The following ZNF575 variants were observed in gnomAD, a reference collection of about 807,000 sequenced individuals.
ZNF575 encodes zinc finger protein 575.
In ZNF575, 17 loss-of-function variants were observed where a neutral mutation model predicts 17.5. That is an observed-to-expected ratio of 0.97 (90% confidence interval 0.66 to 1.45). ZNF575 has a LOEUF of 1.45. ZNF575 is among the 40% of genes most tolerant of loss of function. ZNF575 has a pLI of 0.00. For missense variants in ZNF575, 352 were observed against 359.2 expected, an observed-to-expected ratio of 0.98 and a Z score of 0.16; for synonymous variants, 146 against 158.3, an observed-to-expected ratio of 0.92 and a Z score of 0.58.
rs780637699 is a variant in ZNF575, at chr19:43,535,739, GGT to G, written c.*54_*55del. 6.2e-5 allele frequency: 94 copies of G among 1,515,768 alleles called. No individual in the cohort carries two copies. The East Asian group carries it at 2.2e-3, about 35-fold the overall frequency. The allele number at this position is 1,515,768 out of a possible 1,614,324, so 93.9% of individuals were successfully genotyped here. On this transcript the variant is annotated 3_prime_UTR_variant, in exon 4 of 4. Transcript: ENST00000314228. ...CTGCCGCCAGCCCTAGCCAGTAAGA[GGT>G]GGGATTTCTAAGACCGACTGTATGA...
At chr19:43,534,886 C>T (rs902040385) in intron 3 of ZNF575, 143 bp from the exon 4 acceptor site, 2 of 778,022 alleles carry the variant, frequency 2.6e-6, no homozygotes, top group African/African-American at 3.7e-5. Context: ...CAGAAACATG[C>T]AATTTGGGGA....
Position 43,535,355 on chromosome 19 carries a change from G to T in ZNF575, c.406G>T (p.Ala136Ser). The change falls in exon 4 of 4, where the codon GCT becomes TCT. Residue 136 changes from alanine to serine, a missense_variant. Coordinates refer to ENST00000314228, the MANE Select transcript of ZNF575 (RefSeq NM_174945.3). Reference sequence around the variant, plus strand: ...CTTTGGCCACCGCTCCAAGCTGGCGGCTCACCTCTGGACCCACGCACCCAC... The same window carrying T: ...CTTTGGCCACCGCTCCAAGCTGGCGTCTCACCTCTGGACCCACGCACCCAC... Reference protein sequence around the residue: ...KSFGHRSKLAAHLWTHAPTRP... With the variant: ...KSFGHRSKLASHLWTHAPTRP... The T allele has an allele frequency of 6.3e-7, 1 of 1,589,690 alleles. No individual in the cohort carries two copies. Among genetic ancestry groups the T allele is most frequent in the Middle Eastern group, 1.7e-4 (1 of 5,966 alleles).
chr19:43,535,326 AGTCCTTTG>A lies in ZNF575; in HGVS notation c.379_386del (p.Ser127ProfsTer139), dbSNP rs769906507. ...CCGCACCCGTGCCCACACTGCCCGA[AGTCCTTTG>A]GCCACCGCTCCAAGCTGGCGGCTCA... is the stretch of plus-strand genomic sequence containing the variant. On this transcript the variant is annotated frameshift_variant, in exon 4 of 4. Coordinates refer to ENST00000314228, the MANE Select transcript of ZNF575 (RefSeq NM_174945.3). LOFTEE classifies it high-confidence loss of function. The A allele has an allele frequency of 1.2e-6, 2 of 1,609,374 alleles. No homozygotes were observed. The highest frequency in any genetic ancestry group is 1.7e-6 in the Non-Finnish European group (2 of 1,178,632).
In ZNF575 at chr19:43,533,618, T is replaced by G. The variant is rs371273115; in HGVS notation, c.-195+97T>G. On this transcript the variant is annotated intron_variant, in intron 1 of 3. Transcript: ENST00000314228. ...GGTTGTGGTCCGGACGCCTAGATTCTGGAGATGCTGGAGGGACTGTGCATT... is the reference window on the plus strand; with the variant it reads ...GGTTGTGGTCCGGACGCCTAGATTCGGGAGATGCTGGAGGGACTGTGCATT... 7.9e-5 allele frequency: 12 copies of G among 152,302 alleles called. No homozygotes were observed. The East Asian group carries it at 1.2e-3, about 15-fold the overall frequency. The allele number at this position is 152,302 out of a possible 1,614,324, so 9.4% of individuals were successfully genotyped here.
At chr19:43,532,845 T>C (rs981781193), upstream of ZNF575, 2 of 152,166 alleles carry the variant, frequency 1.3e-5, no homozygotes, top group Non-Finnish European at 2.9e-5. Flanking sequence ...TGGCTGAGAA[T>C]CTTGAATCAC....
Position 43,533,387 on chromosome 19 carries a change from C to G in ZNF575, c.-329C>G, listed in dbSNP as rs1600028935. 1 of 152,334 alleles carries G rather than the reference C, an allele frequency of 6.6e-6. No individual in the cohort carries two copies. The highest frequency in any genetic ancestry group is 1.5e-5 in the Non-Finnish European group (1 of 68,050). The allele number at this position is 152,334 out of a possible 1,614,324, so 9.4% of individuals were successfully genotyped here. A position where few individuals can be genotyped will look rare whatever the true frequency, so the allele number is the denominator to read the frequency against. On this transcript the variant is annotated 5_prime_UTR_variant, in exon 1 of 4. Coordinates refer to ENST00000314228, the MANE Select transcript of ZNF575 (RefSeq NM_174945.3). Reference sequence around the variant, plus strand: ...GCGCGCGCTCCCTTGCCTGCCCTCCCCCGACGCCGGACGCGCGCCGGGCGG... The same window carrying G: ...GCGCGCGCTCCCTTGCCTGCCCTCCGCCGACGCCGGACGCGCGCCGGGCGG...
chr19:43,535,719 G>A lies in ZNF575; in HGVS notation c.*32G>A. On this transcript the variant is annotated 3_prime_UTR_variant, in exon 4 of 4. Coordinates refer to ENST00000314228, the MANE Select transcript of ZNF575 (RefSeq NM_174945.3). ...CCTTGGCTCACTGTCCCCTTCTGCC[G>A]CCAGCCCTAGCCAGTAAGAGGTGGG... 5 of 1,537,856 alleles carry A rather than the reference G, an allele frequency of 3.3e-6. No homozygotes were observed. The highest frequency in any genetic ancestry group is 1.2e-5 in the South Asian group (1 of 85,220).
rs769365877 is a variant in ZNF575 at position 43,535,145 on chromosome 19, C to A, written c.196C>A (p.Pro66Thr). ...RPPPQRPHRC[P>T]DCDKAFSYPS... Reference sequence around the variant, plus strand: ...CCCGCCCCAGCGCCCGCACCGCTGCCCCGACTGTGACAAGGCCTTCTCGTA... The same window carrying A: ...CCCGCCCCAGCGCCCGCACCGCTGCACCGACTGTGACAAGGCCTTCTCGTA... Residue 66 changes from proline to threonine, a missense_variant, in exon 4 of 4, where the codon CCC becomes ACC. Transcript: ENST00000314228. The A allele has an allele frequency of 8.8e-6, 14 of 1,585,598 alleles. No individual in the cohort carries two copies. In the South Asian group the frequency reaches 1.6e-4, roughly 18 times the overall value.
At position 43,534,327 on chromosome 19, in the gene ZNF575, C is replaced by A; in HGVS notation, c.-86-10C>A. ...ACCTTGCTCCTAAACAGTGTGATCCCTCATTTTAGGCCCTCCAACCCTATC... is the reference window on the plus strand; with the variant it reads ...ACCTTGCTCCTAAACAGTGTGATCCATCATTTTAGGCCCTCCAACCCTATC... On this transcript the variant is annotated splice_polypyrimidine_tract_variant and intron_variant, in intron 2 of 3. Coordinates refer to ENST00000314228, the MANE Select transcript of ZNF575 (RefSeq NM_174945.3). 1 of 1,221,096 alleles carries A rather than the reference C, an allele frequency of 8.2e-7. No homozygotes were observed. The allele number at this position is 1,221,096 out of a possible 1,614,324, so 75.6% of individuals were successfully genotyped here.
At chr19:43,531,352 G>A (rs1972340861), upstream of ZNF575, among the ~76,000 whole-genome samples, 1 of 151,406 alleles carries the variant, frequency 6.6e-6, no homozygotes, top group Non-Finnish European at 1.5e-5. Flanking sequence ...GGGAGGCCAA[G>A]ACGGGTGGAT....
chr19:43,535,001 G>A, intron 3 of ZNF575, 28 bp from the exon 4 acceptor site: 1 of 1,406,562 alleles, frequency 7.1e-7, no homozygotes, highest in Admixed American at 3.5e-5. Context: ...GCTGCTTCCT[G>A]GAGCCCACCA....
Position 43,534,494 on chromosome 19 carries a change from C to A in ZNF575, c.72C>A (p.Thr24=). The stretch of plus-strand genomic sequence containing the variant: ...GTCCCACTGGCAAGGAACCAGTGAC[C>A]AAAGAAGGTGAGAGTGCCCCGCCTG... ...DPSPTGKEPV[T]KEAPHQGPPQ... Residue 24 remains threonine, a synonymous_variant, in exon 3 of 4, where the codon ACC becomes ACA. Coordinates refer to ENST00000314228, the MANE Select transcript of ZNF575 (RefSeq NM_174945.3). 6.8e-6 allele frequency: 10 copies of A among 1,461,516 alleles called. No individual in the cohort carries two copies. The highest frequency in any genetic ancestry group is 9.1e-6 in the Non-Finnish European group (10 of 1,104,654). The allele number at this position is 1,461,516 out of a possible 1,614,324, so 90.5% of individuals were successfully genotyped here. A position where few individuals can be genotyped will look rare whatever the true frequency, so the allele number is the denominator to read the frequency against.
intron 3 of ZNF575, 145 bp from the exon 4 acceptor site, chr19:43,534,884 T>C (rs1972392154): frequency 1.3e-6 from 1 of 763,918 alleles, no homozygotes; most frequent in Non-Finnish European, 1.9e-6. Flanking sequence ...AGCAGAAACA[T>C]GCAATTTGGG....
At position 43,535,288 on chromosome 19, in the gene ZNF575, C is replaced by G. The variant is rs1972400081; in HGVS notation, c.339C>G (p.His113Gln). 3.1e-6 allele frequency: 5 copies of G among 1,611,980 alleles called. No individual in the cohort carries two copies. The highest frequency in any genetic ancestry group is 4.2e-6 in the Non-Finnish European group (5 of 1,179,548). Residue 113 changes from histidine to glutamine, a missense_variant, in exon 4 of 4, where the codon CAC becomes CAG. Coordinates refer to ENST00000314228, the MANE Select transcript of ZNF575 (RefSeq NM_174945.3). ...PSKLAAHRLT[H>Q]SGARPHPCPH... ...AGCTGGCAGCCCACCGCCTCACGCA[C>G]AGCGGCGCCCGCCCGCACCCGTGCC...
At position 43,533,412 on chromosome 19, in the gene ZNF575, G is replaced by A. The variant is rs1972368518; in HGVS notation, c.-304G>A. On this transcript the variant is annotated 5_prime_UTR_variant, in exon 1 of 4. Transcript: ENST00000314228. ...CCCGACGCCGGACGCGCGCCGGGCG[G>A]GGCAGCTCCGCTGGTCCGAGGGCAG... The A allele has an allele frequency of 6.6e-6, 1 of 152,166 alleles. No homozygotes were observed. The allele number at this position is 152,166 out of a possible 1,614,324, so 9.4% of individuals were successfully genotyped here.
At chr19:43,534,860 T>TG (rs1972391647) in intron 3 of ZNF575, among the ~76,000 whole-genome samples, 169 bp from the exon 4 acceptor site, 1 of 150,670 alleles carries the variant, frequency 6.6e-6, no homozygotes, top group South Asian at 2.1e-4. Flanking sequence ...GAATGACGCC[T>TG]GGGGGGAGGG....
rs1176605922 is a variant in ZNF575, at chr19:43,535,911, C to T, written c.*224C>T. The T allele has an allele frequency of 5.1e-6, 3 of 585,726 alleles. No homozygotes were observed. Among genetic ancestry groups the T allele is most frequent in the African/African-American group, 1.9e-5 (1 of 53,676 alleles). The allele number at this position is 585,726 out of a possible 1,614,324, so 36.3% of individuals were successfully genotyped here. A position where few individuals can be genotyped will look rare whatever the true frequency, so the allele number is the denominator to read the frequency against. On this transcript the variant is annotated 3_prime_UTR_variant, in exon 4 of 4. Coordinates refer to ENST00000314228, the MANE Select transcript of ZNF575 (RefSeq NM_174945.3). ...TGGACGTGGAGCTGTGGTTTGACAG[C>T]GCTGGCTCTGCTTCTCCCCACACAC...
At position 43,535,460 on chromosome 19, in the gene ZNF575, G is replaced by T; in HGVS notation, c.511G>T (p.Ala171Ser). The T allele has an allele frequency of 6.9e-7, 1 of 1,440,220 alleles. No homozygotes were observed. The highest frequency in any genetic ancestry group is 1.9e-4 in the Middle Eastern group (1 of 5,192). 89.2% of individuals were successfully genotyped at this position (1,440,220 alleles called of 1,614,324 possible). The change falls in exon 4 of 4, where the codon GCC becomes TCC. Residue 171 changes from alanine (A) to serine (S), a missense_variant. Transcript: ENST00000314228. ...KLAAHRHTHHATDARPYPCPH... is the reference protein window; with the variant it reads ...KLAAHRHTHHSTDARPYPCPH... The stretch of plus-strand genomic sequence containing the variant: ...GGCGGCCCACCGCCACACGCACCAC[G>T]CCACCGACGCCCGCCCCTATCCTTG...
upstream of ZNF575, chr19:43,532,015 T>C (rs577912320): frequency 8.6e-5 from 38 of 441,412 alleles, 1 homozygote; most frequent in South Asian, 8.4e-4. Context: ...GGGATTTTTG[T>C]TTGTTTGGGT....
Sources: allele counts gnomAD v4.1 joint callset (sites outside exome capture counted in the v4.1 genomes callset), GRCh38; gene constraint gnomAD v4.1.1; transcripts MANE v1.5; gene names NCBI Gene and HGNC (gene_info 2026-07-23, HGNC 2026-07-21).